GPCPD1: variants seen among roughly 807,000 people sequenced by gnomAD.
The protein encoded by GPCPD1 is glycerophosphocholine phosphodiesterase GPCPD1.
A neutral mutation model predicts 89.2 loss-of-function variants in GPCPD1; 29 were observed. The observed-to-expected ratio is 0.33, with a 90% CI of 0.24 to 0.44. The LOEUF is 0.44. Among genes scored for constraint, GPCPD1 ranks in the 20% least tolerant of loss-of-function variants. The pLI, the probability that GPCPD1 is intolerant of heterozygous loss-of-function variation, is 1.00. For synonymous variants in GPCPD1, 258 were observed against 266.3 expected, an observed-to-expected ratio of 0.97 and a Z score of 0.30; for missense variants, 594 against 808.9, an observed-to-expected ratio of 0.73 and a Z score of 3.22.
At chr20:5,580,586 C>A (rs551684687) in intron 6 of GPCPD1, among the ~76,000 whole-genome samples, 1 of 151,684 alleles carries the variant, frequency 6.6e-6, no homozygotes, top group Admixed American at 6.6e-5. Context: ...AATAGCCGGG[C>A]GTGGTGGCGG....
chr20:5,582,202 A>AAC (rs1229309653), intron 6 of GPCPD1, among the ~76,000 whole-genome samples: 4 of 140,538 alleles, frequency 2.8e-5, no homozygotes, highest in Admixed American at 6.9e-5. Context: ...AAAAAAAAAA[A>AAC]AAAAAAAAAA....
At chr20:5,565,207 C>A in intron 14 of GPCPD1, 129 bp from the exon 15 acceptor site, 1 of 602,142 alleles carries the variant, frequency 1.7e-6, no homozygotes. Context: ...AGCGCGAGAG[C>A]ATAAGTAACT....
intron 10 of GPCPD1, among the ~76,000 whole-genome samples, chr20:5,575,063 T>C (rs1261635604): frequency 2.0e-5 from 3 of 152,050 alleles, no homozygotes; most frequent in Admixed American, 2.0e-4. Context: ...TGGGATAATG[T>C]TGTCCAAATC....
intron 19 of GPCPD1, chr20:5,548,128 T>C (rs1985138603): frequency 4.8e-6 from 1 of 207,626 alleles, no homozygotes. Flanking sequence ...AAATGAAATG[T>C]CTAGTTTACT....
intron 17 of GPCPD1, among the ~76,000 whole-genome samples, chr20:5,559,039 C>G (rs185162227): frequency 2.0e-5 from 3 of 152,028 alleles, no homozygotes; most frequent in Admixed American, 6.6e-5. Context: ...CCCATCTCTA[C>G]TAAAAATACA....
intron 13 of GPCPD1, 39 bp from the exon 14 acceptor site, chr20:5,566,811 C>T (rs117805765): frequency 7.3e-7 from 1 of 1,377,166 alleles, no homozygotes; most frequent in Non-Finnish European, 1.0e-6. Flanking sequence ...AGAAAGGAAG[C>T]CTTAGCTTAT....
At chr20:5,563,065 C>T (rs1383680383) in intron 15 of GPCPD1, among the ~76,000 whole-genome samples, 1 of 151,724 alleles carries the variant, frequency 6.6e-6, no homozygotes, top group Admixed American at 6.6e-5. Context: ...TCACTGCAAG[C>T]TCCGCCTCCT....
chr20:5,593,368 C>G lies in GPCPD1; in HGVS notation c.190G>C (p.Val64Leu), dbSNP rs1436721887. 5 of 1,598,634 alleles carry G rather than the reference C, an allele frequency of 3.1e-6. No homozygotes were observed. Among genetic ancestry groups the G allele is most frequent in the Non-Finnish European group, 4.3e-6 (5 of 1,166,298 alleles). The part of the protein sequence containing the change: ...ATIVLSRGVS[V>L]QYRYFKGYFL... ...TACCCTTTGAAGTAGCGATACTGAA[C>G]TGATACTCCTCTACTGAGTACAATG... is the stretch of plus-strand genomic sequence containing the variant. Residue 64 changes from valine (V) to leucine (L), a missense_variant, in exon 4 of 20, where the codon GTT becomes CTT. Physicochemically the swap from Val to Leu is conservative, Grantham distance 32 (BLOSUM62 1). Coordinates refer to ENST00000379019, the MANE Select transcript of GPCPD1 (RefSeq NM_019593.5).
In GPCPD1 at chr20:5,610,839, C is replaced by T. The variant is rs1980926968; in HGVS notation, c.-29+3G>A. ...GGCCCCCGCACCCGGCTCGCTGCCT[C>T]ACCTCCGGGTTCGCTAGTCCGCAGG... is the stretch of plus-strand genomic sequence containing the variant. On this transcript the variant is annotated splice_donor_region_variant and intron_variant, in intron 1 of 19. Coordinates refer to ENST00000379019, the MANE Select transcript of GPCPD1 (RefSeq NM_019593.5). The T allele has an allele frequency of 6.6e-6, 1 of 151,502 alleles. No homozygotes were observed. 9.4% of individuals were successfully genotyped at this position (151,502 alleles called of 1,614,324 possible). A position where few individuals can be genotyped will look rare whatever the true frequency, so the allele number is the denominator to read the frequency against.
chr20:5,547,792 G>T lies in GPCPD1; in HGVS notation c.1888C>A (p.Leu630Met). ...NIFQVEQLER[L>M]KQELPELKSC... ...TTAAGCTCTGGCAATTCCTGCTTCA[G>T]GCGTTCCAATTGCTCCACTTGGAAT... Residue 630 changes from leucine (L) to methionine (M), a missense_variant, in exon 20 of 20, where the codon CTG becomes ATG. Transcript: ENST00000379019. 6.2e-7 allele frequency: 1 copy of T among 1,610,792 alleles called. No individual in the cohort carries two copies. The highest frequency in any genetic ancestry group is 8.5e-7 in the Non-Finnish European group (1 of 1,177,280).
intron 19 of GPCPD1, among the ~76,000 whole-genome samples, chr20:5,550,283 C>CAAAA (rs11476159): frequency 1.3e-5 from 1 of 76,052 alleles, no homozygotes; most frequent in Non-Finnish European, 2.4e-5. Flanking sequence ...TCAAATGAAG[C>CAAAA]AAAAAAAAAA....
intron 14 of GPCPD1, among the ~76,000 whole-genome samples, chr20:5,565,902 ATCAAGTTTT>A (rs1986374099): frequency 1.3e-5 from 2 of 152,242 alleles, no homozygotes; most frequent in South Asian, 2.1e-4. Context: ...AAATTAAAAT[ATCAAGTTTT>A]TCTTAAAAAC....
At chr20:5,567,412 T>C in intron 13 of GPCPD1, 71 bp downstream of exon 13, 1 of 1,487,012 alleles carries the variant, frequency 6.7e-7, no homozygotes, top group Non-Finnish European at 9.0e-7. Flanking sequence ...AAAGAGAACA[T>C]AACCATATAC....
intron 11 of GPCPD1, among the ~76,000 whole-genome samples, chr20:5,570,718 A>C (rs1332395861): frequency 6.6e-6 from 1 of 152,204 alleles, no homozygotes; most frequent in Admixed American, 6.5e-5. Flanking sequence ...CTTTCTCAGC[A>C]AAATGTCAGT....
rs1398645666 is a variant in GPCPD1 at position 5,579,912 on chromosome 20, C to T, written c.473+96G>A. ...AGTTACTAGAATATGTAACATTATCCCAAACTGTACACTTAAAGGCTAAAA... is the reference window on the plus strand; with the variant it reads ...AGTTACTAGAATATGTAACATTATCTCAAACTGTACACTTAAAGGCTAAAA... On this transcript the variant is annotated intron_variant, in intron 7 of 19. Coordinates refer to ENST00000379019, the MANE Select transcript of GPCPD1 (RefSeq NM_019593.5). 1.2e-5 allele frequency: 9 copies of T among 728,072 alleles called. No individual in the cohort carries two copies. The East Asian group carries it at 1.8e-4, about 15-fold the overall frequency. 45.1% of individuals were successfully genotyped at this position (728,072 alleles called of 1,614,324 possible). A position where few individuals can be genotyped will look rare whatever the true frequency, so the allele number is the denominator to read the frequency against.
chr20:5,597,690 C>T (rs1979828416), intron 3 of GPCPD1, among the ~76,000 whole-genome samples: 1 of 152,178 alleles, frequency 6.6e-6, no homozygotes, highest in Admixed American at 6.5e-5. Context: ...GCCACCTCTG[C>T]TGACATCCAC....
rs1348274678 is a variant in GPCPD1 at position 5,609,130 on chromosome 20, A to C, written c.-29+1712T>G. Among the ~76,000 whole-genome samples the C allele has an allele frequency of 3.9e-5, 6 of 152,230 alleles. No individual in the cohort carries two copies. The East Asian group carries it at 7.7e-4, about 20-fold the overall frequency. On this transcript the variant is annotated intron_variant, in intron 1 of 19. Coordinates refer to ENST00000379019, the MANE Select transcript of GPCPD1 (RefSeq NM_019593.5). ...ATTGAAGTCAGATATTTTTAGCTAA[A>C]GTGTTTTTTTGGCTACAAGGAACAT...
At chr20:5,564,259 GGCACTTATTTTCTTTGGTTGAAGAAACTC>G (rs1986247611) in intron 15 of GPCPD1, among the ~76,000 whole-genome samples, 1 of 151,470 alleles carries the variant, frequency 6.6e-6, no homozygotes, top group Non-Finnish European at 1.5e-5. Flanking sequence ...AAGTAAGAGG[GGCACTTATTTTCTTTGGTTGAAGAAACTC>G]GCTTCCCTCT....
chr20:5,573,889 T>C, intron 11 of GPCPD1, 26 bp downstream of exon 11: 1 of 1,208,788 alleles, frequency 8.3e-7, no homozygotes, highest in South Asian at 1.2e-5. Flanking sequence ...ACCTCAGCAG[T>C]CTAAAGTTGT....
Sources: allele counts gnomAD v4.1 joint callset (sites outside exome capture counted in the v4.1 genomes callset), GRCh38; gene constraint gnomAD v4.1.1; transcripts MANE v1.5; gene names NCBI Gene and HGNC (gene_info 2026-07-23, HGNC 2026-07-21).